SRSF3: variants seen among roughly 807,000 people sequenced by gnomAD.
SRSF3 encodes serine/arginine-rich splicing factor 3.
For missense variants in SRSF3, 58 were observed against 217.1 expected, an observed-to-expected ratio of 0.27 and a Z score of 4.61; for synonymous variants, 87 against 73.6, an observed-to-expected ratio of 1.18 and a Z score of -0.93.
chr6:36,601,421 A>G, intron 4 of SRSF3: 1 of 581,330 alleles, frequency 1.7e-6, no homozygotes, highest in Non-Finnish European at 3.0e-6. Flanking sequence ...ATTATAGCTC[A>G]CTGTAGCCTT....
chr6:36,603,535 C>G lies in SRSF3; in HGVS notation c.*1546C>G, dbSNP rs1778754326. ...TAAGTCATTGCATTAAGAGTTCAAG[C>G]TAAATGGATACATTAAGATACAGTT... On this transcript the variant is annotated 3_prime_UTR_variant, in exon 6 of 6. Transcript: ENST00000373715. 4.4e-6 allele frequency: 1 copy of G among 226,622 alleles called. No homozygotes were observed. Among genetic ancestry groups the G allele is most frequent in the Admixed American group, 5.7e-5 (1 of 17,524 alleles). 14.0% of individuals were successfully genotyped at this position (226,622 alleles called of 1,614,324 possible).
intron 2 of SRSF3, among the ~76,000 whole-genome samples, chr6:36,597,740 C>T (rs896623016): frequency 6.7e-6 from 1 of 149,470 alleles, no homozygotes; most frequent in African/African-American, 2.5e-5. Flanking sequence ...CCCAGTCACT[C>T]TTCAAATATG....
chr6:36,600,997 T>TTTTC, intron 3 of SRSF3, 155 bp from the exon 4 acceptor site: 3 of 445,320 alleles, frequency 6.7e-6, no homozygotes, highest in South Asian at 1.1e-4. Flanking sequence ...CTTTTCTTTT[T>TTTTC]TTTCTTTTTT....
intron 4 of SRSF3, 60 bp downstream of exon 4, chr6:36,601,250 A>C (rs1778711268): frequency 6.3e-7 from 1 of 1,581,692 alleles, no homozygotes; most frequent in South Asian, 1.1e-5. Context: ...GCTATTCCTA[A>C]ACTTTTCCAG....
chr6:36,603,966 A>G lies in SRSF3; in HGVS notation c.*1977A>G, dbSNP rs761706786. On this transcript the variant is annotated 3_prime_UTR_variant, in exon 6 of 6. Coordinates refer to ENST00000373715, the MANE Select transcript of SRSF3 (RefSeq NM_003017.5). Reference sequence around the variant, plus strand: ...TGAAATAAAAGTAACTTCACCAGGGAGTTATCCTGACTTAGGTGACATACA... The same window carrying G: ...TGAAATAAAAGTAACTTCACCAGGGGGTTATCCTGACTTAGGTGACATACA... 2 of 230,528 alleles carry G rather than the reference A, an allele frequency of 8.7e-6. No individual in the cohort carries two copies. Among genetic ancestry groups the G allele is most frequent in the Non-Finnish European group, 8.6e-6 (1 of 116,520 alleles). 14.3% of individuals were successfully genotyped at this position (230,528 alleles called of 1,614,324 possible).
Position 36,603,664 on chromosome 6 carries a change from A to G in SRSF3, c.*1675A>G. The G allele has an allele frequency of 4.3e-6, 1 of 230,394 alleles. No individual in the cohort carries two copies. Among genetic ancestry groups the G allele is most frequent in the East Asian group, 6.2e-5 (1 of 16,084 alleles). The allele number at this position is 230,394 out of a possible 1,614,324, so 14.3% of individuals were successfully genotyped here. On this transcript the variant is annotated 3_prime_UTR_variant, in exon 6 of 6. Coordinates refer to ENST00000373715, the MANE Select transcript of SRSF3 (RefSeq NM_003017.5). ...AGCATGTTCAAGAAAGACACTTTTC[A>G]GACAGCCTGTTTATTTACTGAGAGC...
intron 3 of SRSF3, 32 bp from the exon 4 acceptor site, chr6:36,601,120 G>C (rs373755733): frequency 9.8e-5 from 149 of 1,520,844 alleles, no homozygotes; most frequent in Non-Finnish European, 1.2e-4. Context: ...ACTAATTGAT[G>C]ATGAGCCTAA....
chr6:36,603,584 C>T lies in SRSF3; in HGVS notation c.*1595C>T, dbSNP rs375039369. 4 of 228,580 alleles carry T rather than the reference C, an allele frequency of 1.7e-5. No individual in the cohort carries two copies. Among genetic ancestry groups the T allele is most frequent in the South Asian group, 1.8e-4 (1 of 5,490 alleles). The allele number at this position is 228,580 out of a possible 1,614,324, so 14.2% of individuals were successfully genotyped here. A position where few individuals can be genotyped will look rare whatever the true frequency, so the allele number is the denominator to read the frequency against. ...TTCCTAAACAAATTATTTATTTCCA[C>T]CTTTTACACAAATCTTGGGAGAATT... On this transcript the variant is annotated 3_prime_UTR_variant, in exon 6 of 6. Coordinates refer to ENST00000373715, the MANE Select transcript of SRSF3 (RefSeq NM_003017.5).
chr6:36,601,193 A>G lies in SRSF3; in HGVS notation c.380+3A>G. On this transcript the variant is annotated splice_donor_region_variant and intron_variant, in intron 4 of 5. Coordinates refer to ENST00000373715, the MANE Select transcript of SRSF3 (RefSeq NM_003017.5). ...AGCTTCTCTCGCAGCCGGAGCAGGT[A>G]AATGACTACCTTTTTTGGCTACGTT... The G allele has an allele frequency of 6.2e-7, 1 of 1,613,400 alleles. No individual in the cohort carries two copies. Among genetic ancestry groups the G allele is most frequent in the Non-Finnish European group, 8.5e-7 (1 of 1,179,840 alleles).
intron 1 of SRSF3, among the ~76,000 whole-genome samples, chr6:36,595,666 C>T (rs556267937): frequency 2.6e-5 from 4 of 152,208 alleles, no homozygotes; most frequent in African/African-American, 7.2e-5. Flanking sequence ...TTTGTCAGTA[C>T]ATCATTCTGA....
rs147605320 is a variant in SRSF3 at position 36,603,070 on chromosome 6, T to C, written c.*1081T>C. The C allele has an allele frequency of 1.7e-4, 37 of 222,744 alleles. No individual in the cohort carries two copies. Among genetic ancestry groups the C allele is most frequent in the African/African-American group, 6.7e-4 (30 of 44,876 alleles). The allele number at this position is 222,744 out of a possible 1,614,324, so 13.8% of individuals were successfully genotyped here. A position where few individuals can be genotyped will look rare whatever the true frequency, so the allele number is the denominator to read the frequency against. Reference sequence around the variant, plus strand: ...ATATAGATGTCACCTAAGTGATAGTTAACCCATTTTTTTTTTTTTTAGGCA... The same window carrying C: ...ATATAGATGTCACCTAAGTGATAGTCAACCCATTTTTTTTTTTTTTAGGCA... On this transcript the variant is annotated 3_prime_UTR_variant, in exon 6 of 6. Transcript: ENST00000373715.
At position 36,602,262 on chromosome 6, in the gene SRSF3, A is replaced by G. The variant is rs149758486; in HGVS notation, c.*273A>G. On this transcript the variant is annotated 3_prime_UTR_variant, in exon 6 of 6. Coordinates refer to ENST00000373715, the MANE Select transcript of SRSF3 (RefSeq NM_003017.5). ...ATTTGCTTTGAACTTTTAGTTATGC[A>G]CAGACTGATAATAAACCTCTAAACC... 8.7e-5 allele frequency: 42 copies of G among 481,710 alleles called. No individual in the cohort carries two copies. Among genetic ancestry groups the G allele is most frequent in the African/African-American group, 7.8e-4 (39 of 50,052 alleles). The allele number at this position is 481,710 out of a possible 1,614,324, so 29.8% of individuals were successfully genotyped here.
rs557764011 is a variant in SRSF3 at position 36,596,736 on chromosome 6, A to G, written c.-2-25A>G. 18 of 1,600,622 alleles carry G rather than the reference A, an allele frequency of 1.1e-5. No homozygotes were observed. The African/African-American group carries it at 2.3e-4, about 20-fold the overall frequency. On this transcript the variant is annotated intron_variant, in intron 1 of 5. Coordinates refer to ENST00000373715, the MANE Select transcript of SRSF3 (RefSeq NM_003017.5). ...TAACTGTAGATGTTTAGATGAATGA[A>G]TATTTTTGGTATTTTTCATTACAGA...
At chr6:36,600,034 A>G (rs760544347) in intron 3 of SRSF3, 2 of 1,242,414 alleles carry the variant, frequency 1.6e-6, no homozygotes, top group Non-Finnish European at 2.1e-6. Context: ...AATCGGCAGC[A>G]GCCACCTCGA....
At chr6:36,596,440 A>G (rs1312710039) in intron 1 of SRSF3, among the ~76,000 whole-genome samples, 1 of 151,900 alleles carries the variant, frequency 6.6e-6, no homozygotes, top group Non-Finnish European at 1.5e-5. Flanking sequence ...ATAACAGGTT[A>G]AGTCTCTTAA....
Position 36,602,127 on chromosome 6 carries a change from C to G in SRSF3, c.*138C>G. ...GTTTTAGCTGTTCAAATCTGTTTGTCTCTTGAAACAGTGACACAAAGGTGT... is the reference window on the plus strand; with the variant it reads ...GTTTTAGCTGTTCAAATCTGTTTGTGTCTTGAAACAGTGACACAAAGGTGT... On this transcript the variant is annotated 3_prime_UTR_variant, in exon 6 of 6. Coordinates refer to ENST00000373715, the MANE Select transcript of SRSF3 (RefSeq NM_003017.5). The G allele has an allele frequency of 2.1e-6, 3 of 1,456,116 alleles. No homozygotes were observed. The highest frequency in any genetic ancestry group is 2.7e-6 in the Non-Finnish European group (3 of 1,093,962). The allele number at this position is 1,456,116 out of a possible 1,614,324, so 90.2% of individuals were successfully genotyped here.
chr6:36,604,502 A>C lies in SRSF3; in HGVS notation c.*2513A>C, dbSNP rs1460596633. Reference sequence around the variant, plus strand: ...CACAGTTCATTGTGGGTTGCTTCTGACCTCCATGTCTTAAGCAGAAAGTAG... The same window carrying C: ...CACAGTTCATTGTGGGTTGCTTCTGCCCTCCATGTCTTAAGCAGAAAGTAG... On this transcript the variant is annotated 3_prime_UTR_variant, in exon 6 of 6. Coordinates refer to ENST00000373715, the MANE Select transcript of SRSF3 (RefSeq NM_003017.5). The C allele has an allele frequency of 1.7e-5, 3 of 179,394 alleles. No individual in the cohort carries two copies. The highest frequency in any genetic ancestry group is 1.3e-4 in the Admixed American group (2 of 15,860). The allele number at this position is 179,394 out of a possible 1,614,324, so 11.1% of individuals were successfully genotyped here.
At chr6:36,595,489 A>C (rs1233723168) in intron 1 of SRSF3, among the ~76,000 whole-genome samples, 1 of 152,060 alleles carries the variant, frequency 6.6e-6, no homozygotes, top group African/African-American at 2.4e-5. Context: ...TTGAGCACTT[A>C]CTCCCAGATT....
At chr6:36,595,108 T>A (rs1046864440) in intron 1 of SRSF3, among the ~76,000 whole-genome samples, 1 of 152,190 alleles carries the variant, frequency 6.6e-6, no homozygotes, top group African/African-American at 2.4e-5. Flanking sequence ...GCAAATAGGA[T>A]GTGTCTGGAC....
Sources: allele counts gnomAD v4.1 joint callset (sites outside exome capture counted in the v4.1 genomes callset), GRCh38; gene constraint gnomAD v4.1.1; transcripts MANE v1.5; gene names NCBI Gene and HGNC (gene_info 2026-07-23, HGNC 2026-07-21).